Variants in KIRREL3 observed in about 807,000 individuals in gnomAD.
KIRREL3 encodes the protein kin of IRRE-like protein 3.
Under a neutral mutation model 89.7 loss-of-function variants are expected in KIRREL3, and 36 were observed. The observed-to-expected ratio is 0.40, with a 90% confidence interval of 0.31 to 0.53. The LOEUF (loss-of-function observed/expected upper bound fraction) is 0.53, where lower values mean the gene tolerates loss of function less well. Among genes scored for constraint, KIRREL3 ranks in the 20% least tolerant of loss-of-function variants. The pLI, the probability that KIRREL3 is intolerant of heterozygous loss-of-function variation, is 0.49. For missense variants in KIRREL3, 864 were observed against 1,056.6 expected (o/e 0.82, Z 2.53); for synonymous variants, 445 against 441.4 (o/e 1.01, Z -0.10).
chr11:126,805,653 A>G lies in KIRREL3; in HGVS notation c.55+194802T>C, dbSNP rs1951181257. Among the ~76,000 whole-genome samples, 1 of 152,236 alleles carries G rather than the reference A, an allele frequency of 6.6e-6. No homozygotes were observed. Among genetic ancestry groups the G allele is most frequent in the African/African-American group, 2.4e-5 (1 of 41,458 alleles). ...ATTTTCAGGGTGATTGCTAAACTCC[A>G]CAGTACAAAGTATGTAATAGATATT... is the stretch of plus-strand genomic sequence containing the variant. On this transcript the variant is annotated intron_variant, in intron 1 of 16. Coordinates refer to ENST00000525144, the MANE Select transcript of KIRREL3 (RefSeq NM_032531.4). This position sits in a 1 kb window ranked among gnomAD's most constrained non-coding sequence, Gnocchi z 4.3.
intron 1 of KIRREL3, among the ~76,000 whole-genome samples, chr11:126,638,140 A>G (rs1007978278): frequency 2.0e-5 from 3 of 152,236 alleles, no homozygotes; most frequent in African/African-American, 7.2e-5. Flanking sequence ...AGCTCAGAAG[A>G]GGAATAATAA....
rs1948692737 is a variant in KIRREL3 at position 126,948,760 on chromosome 11, T to C, written c.55+51695A>G. Among the ~76,000 whole-genome samples, 1 of 152,070 alleles carries C rather than the reference T, an allele frequency of 6.6e-6. No homozygotes were observed. On this transcript the variant is annotated intron_variant, in intron 1 of 16. Coordinates refer to ENST00000525144, the MANE Select transcript of KIRREL3 (RefSeq NM_032531.4). This position sits in a 1 kb window ranked among gnomAD's most constrained non-coding sequence, Gnocchi z 4.5. Reference sequence around the variant, plus strand: ...TAGGGTAAACAAAGTGGTACAATGGTTAGTTCAACTCCAGCAAGGCAGACA... The same window carrying C: ...TAGGGTAAACAAAGTGGTACAATGGCTAGTTCAACTCCAGCAAGGCAGACA...
rs534101632 is a variant in KIRREL3 at position 126,969,299 on chromosome 11, C to T, written c.55+31156G>A. Among the ~76,000 whole-genome samples the T allele has an allele frequency of 4.6e-5, 7 of 152,162 alleles. No homozygotes were observed. The highest frequency in any genetic ancestry group is 8.8e-5 in the Non-Finnish European group (6 of 68,030). On this transcript the variant is annotated intron_variant, in intron 1 of 16. Coordinates refer to ENST00000525144, the MANE Select transcript of KIRREL3 (RefSeq NM_032531.4). This position sits in a 1 kb window ranked among gnomAD's most constrained non-coding sequence, Gnocchi z 4.9. ...ATGAAGGGATAGACAGATGTCCTAT[C>T]TTTGGGAATGCTGGCCTTCCAAGGA...
chr11:126,966,801 C>G (rs1949284996), intron 1 of KIRREL3, among the ~76,000 whole-genome samples: 1 of 152,152 alleles, frequency 6.6e-6, no homozygotes, highest in African/African-American at 2.4e-5. Flanking sequence ...ATAATGCTTA[C>G]CTTACAGAAC....
chr11:126,929,522 A>G (rs999168969), intron 1 of KIRREL3, among the ~76,000 whole-genome samples: 1 of 151,510 alleles, frequency 6.6e-6, no homozygotes, highest in African/African-American at 2.4e-5. Flanking sequence ...TAAGAAGCAG[A>G]AAACAAATAA....
At chr11:126,680,952 G>A (rs559041489) in intron 1 of KIRREL3, among the ~76,000 whole-genome samples, 1 of 152,170 alleles carries the variant, frequency 6.6e-6, no homozygotes. Flanking sequence ...TTCCCCCACT[G>A]CTCTGTCTGT....
chr11:126,521,590 C>T lies in KIRREL3; in HGVS notation c.284-126G>A, dbSNP rs1958588588. 3.7e-6 allele frequency: 3 copies of T among 814,918 alleles called. No homozygotes were observed. Among genetic ancestry groups the T allele is most frequent in the Non-Finnish European group, 5.8e-6 (3 of 521,184 alleles). The allele number at this position is 814,918 out of a possible 1,614,324, so 50.5% of individuals were successfully genotyped here. ...AAGGCTGGCAGAGCGGGTGATTGCTCAGGGCTCTGATCTCAGTGCAAGGAG... is the reference window on the plus strand; with the variant it reads ...AAGGCTGGCAGAGCGGGTGATTGCTTAGGGCTCTGATCTCAGTGCAAGGAG... On this transcript the variant is annotated intron_variant, in intron 3 of 16. Transcript: ENST00000525144. The surrounding 1 kb of genome is among the most constrained non-coding windows in gnomAD (Gnocchi z 4.1).
At chr11:126,634,835 G>A (rs905167991) in intron 1 of KIRREL3, among the ~76,000 whole-genome samples, 3 of 152,082 alleles carry the variant, frequency 2.0e-5, no homozygotes, top group African/African-American at 4.8e-5. Flanking sequence ...GCGCCCTCTC[G>A]GAGGCCCTTG....
In KIRREL3 at chr11:126,628,157, C is replaced by T. The variant is rs1348279630; in HGVS notation, c.56-65245G>A. On this transcript the variant is annotated intron_variant, in intron 1 of 16. Coordinates refer to ENST00000525144, the MANE Select transcript of KIRREL3 (RefSeq NM_032531.4). The surrounding 1 kb of genome is among the most constrained non-coding windows in gnomAD (Gnocchi z 5.2). ...CTCAGACAAGACTGGTCCCTCTGAA[C>T]ACACTTCGCCCACCCCTCCAAGGCT... Among the ~76,000 whole-genome samples the T allele has an allele frequency of 6.6e-6, 1 of 152,234 alleles. No individual in the cohort carries two copies. Among genetic ancestry groups the T allele is most frequent in the South Asian group, 2.1e-4 (1 of 4,830 alleles).
chr11:126,779,755 C>G (rs1894221), intron 1 of KIRREL3, among the ~76,000 whole-genome samples: 40,729 of 151,900 alleles, frequency 0.27, 6,619 homozygotes, highest in East Asian at 0.79. Flanking sequence ...CTCTGTCCAC[C>G]GTAGTTACTA....
chr11:126,741,974 C>T (rs1949001949), intron 1 of KIRREL3, among the ~76,000 whole-genome samples: 1 of 152,206 alleles, frequency 6.6e-6, no homozygotes, highest in Non-Finnish European at 1.5e-5. Context: ...CTCAGCATTT[C>T]ACTAGCAGAG....
At chr11:126,497,872 G>C (rs551142148) in intron 4 of KIRREL3, among the ~76,000 whole-genome samples, 1 of 152,330 alleles carries the variant, frequency 6.6e-6, no homozygotes, top group Non-Finnish European at 1.5e-5. Context: ...TCTGTGCCAA[G>C]CCTGGGCCTG....
rs34828983 is a variant in KIRREL3 at position 126,744,876 on chromosome 11, TAAA to T, written c.56-181967_56-181965del. 7.7e-5 allele frequency among the ~76,000 whole-genome samples: 11 copies of T among 143,600 alleles called. No homozygotes were observed. Among genetic ancestry groups the T allele is most frequent in the Non-Finnish European group, 1.1e-4 (7 of 65,622 alleles). The allele number at this position is 143,600 out of a possible 152,430, so 94.2% of individuals were successfully genotyped here. A position where few individuals can be genotyped will look rare whatever the true frequency, so the allele number is the denominator to read the frequency against. On this transcript the variant is annotated intron_variant, in intron 1 of 16. Transcript: ENST00000525144. This position sits in a 1 kb window ranked among gnomAD's most constrained non-coding sequence, Gnocchi z 4.7. ...ATTGTGTCTGCCACATAGTAAGTGCTAAAAAAAAAAAAAAAGGTGGGAAAAGTA... is the reference window on the plus strand; with the variant it reads ...ATTGTGTCTGCCACATAGTAAGTGCTAAAAAAAAAAAAGGTGGGAAAAGTA...
chr11:126,842,014 G>T (rs1943978839), intron 1 of KIRREL3, among the ~76,000 whole-genome samples: 1 of 152,218 alleles, frequency 6.6e-6, no homozygotes, highest in African/African-American at 2.4e-5. Context: ...CCTGCACCAG[G>T]TGAGGATGGG....
At chr11:126,738,971 T>G (rs545042238) in intron 1 of KIRREL3, among the ~76,000 whole-genome samples, 35 of 152,342 alleles carry the variant, frequency 2.3e-4, no homozygotes, top group African/African-American at 8.4e-4. Flanking sequence ...CCTACTGTGT[T>G]CCAGGTGGCT....
At chr11:126,507,483 A>T (rs76317097) in intron 4 of KIRREL3, among the ~76,000 whole-genome samples, 6,051 of 152,146 alleles carry the variant, frequency 0.04, 445 homozygotes, top group African/African-American at 0.14. Context: ...CTTTTTTTGA[A>T]TAGCATTGAT....
chr11:126,785,945 A>C (rs1188020986), intron 1 of KIRREL3, among the ~76,000 whole-genome samples: 1 of 150,502 alleles, frequency 6.6e-6, no homozygotes, highest in Non-Finnish European at 1.5e-5. Flanking sequence ...TTAGAAAGCA[A>C]TTTGGCAATG....
intron 1 of KIRREL3, among the ~76,000 whole-genome samples, chr11:126,597,148 C>A (rs760755082): frequency 6.6e-6 from 1 of 152,246 alleles, no homozygotes. Context: ...GCACGAGTTA[C>A]CCAGAACTAC....
At chr11:126,730,541 T>G (rs1031760192) in intron 1 of KIRREL3, among the ~76,000 whole-genome samples, 9 of 152,150 alleles carry the variant, frequency 5.9e-5, no homozygotes, top group Admixed American at 2.0e-4. Flanking sequence ...CTTCCCCACC[T>G]AGGGGACATT....
Sources: gnomAD v4.1 joint callset for allele counts (sites outside exome capture counted in the v4.1 genomes callset) on GRCh38, gnomAD v4.1.1 for gene constraint, Gnocchi (gnomAD v3.1) non-coding constraint, MANE v1.5 for transcripts, NCBI Gene and HGNC (gene_info 2026-07-23, HGNC 2026-07-21) for gene names.